KDM4C: variants seen among roughly 807,000 people sequenced by gnomAD.
KDM4C encodes lysine demethylase 4C.
Under a neutral mutation model 129.3 loss-of-function variants are expected in KDM4C, and 81 were observed. The observed-to-expected ratio is 0.63, with a 90% CI of 0.52 to 0.75. The LOEUF (loss-of-function observed/expected upper bound fraction) is 0.75. Among genes scored for constraint, KDM4C ranks in the 30% least tolerant of loss-of-function variants. KDM4C has a pLI of 0.00. For synonymous variants in KDM4C, 573 were observed against 456.1 expected (o/e 1.26, Z -3.26); for missense variants, 1,457 against 1,304.0 (o/e 1.12, Z -1.81).
At position 7,128,115 on chromosome 9, in the gene KDM4C, C is replaced by T. The variant is rs375941420; in HGVS notation, c.2660C>T (p.Thr887Met). Residue 887 changes from threonine to methionine, a missense_variant, in exon 19 of 22, where the codon ACG becomes ATG. Thr to Met is a moderately conservative substitution (Grantham distance 81). Coordinates refer to ENST00000381309, the MANE Select transcript of KDM4C (RefSeq NM_015061.6). ...ATTTCCGTGGGTCAAACGGTCATCA[C>T]GAAGCATCGGAACACCCGGTATTAC... Reference protein sequence around the residue: ...KVISVGQTVITKHRNTRYYSC... With the variant: ...KVISVGQTVIMKHRNTRYYSC... 1.9e-6 allele frequency: 3 copies of T among 1,610,372 alleles called. No individual in the cohort carries two copies. Among genetic ancestry groups the T allele is most frequent in the Non-Finnish European group, 2.5e-6 (3 of 1,178,574 alleles).
chr9:6,844,948 A>G (rs1483085175), intron 4 of KDM4C, among the ~76,000 whole-genome samples: 1 of 152,160 alleles, frequency 6.6e-6, no homozygotes, highest in South Asian at 2.1e-4. Flanking sequence ...TCGGCCTCCC[A>G]AAGTGCTGGG....
intron 4 of KDM4C, among the ~76,000 whole-genome samples, chr9:6,826,619 A>G (rs1410608179): frequency 6.6e-6 from 1 of 152,174 alleles, no homozygotes; most frequent in Non-Finnish European, 1.5e-5. Flanking sequence ...TGATCCCAGC[A>G]CTTTGGGAGG....
chr9:7,012,476 T>G (rs966526131), intron 13 of KDM4C, among the ~76,000 whole-genome samples: 4 of 151,196 alleles, frequency 2.6e-5, no homozygotes, highest in African/African-American at 9.7e-5. Context: ...TTAATCTCTG[T>G]TTTTTTTTGT....
intron 8 of KDM4C, among the ~76,000 whole-genome samples, chr9:6,954,024 C>T (rs968561895): frequency 7.9e-5 from 12 of 152,170 alleles, no homozygotes; most frequent in South Asian, 4.1e-4. Flanking sequence ...GCAAACCTTG[C>T]GCATAGGACT....
At chr9:6,858,640 A>G (rs1432164771) in intron 5 of KDM4C, among the ~76,000 whole-genome samples, 1 of 152,042 alleles carries the variant, frequency 6.6e-6, no homozygotes, top group Non-Finnish European at 1.5e-5. Context: ...GGGTGTGGTG[A>G]CGTGCGCCTG....
At chr9:6,797,155 A>G (rs1325592816) in intron 2 of KDM4C, among the ~76,000 whole-genome samples, 3 of 151,254 alleles carry the variant, frequency 2.0e-5, no homozygotes, top group African/African-American at 7.3e-5. Context: ...AATTTTTTTT[A>G]TTTTTTGTTT....
chr9:6,738,597 A>C lies in KDM4C; in HGVS notation c.49+17600A>C, dbSNP rs115322416. 9.5e-3 allele frequency among the ~76,000 whole-genome samples: 1,444 copies of C among 152,186 alleles called. 22 individuals carry two copies. The highest frequency in any genetic ancestry group is 0.033 in the African/African-American group (1,374 of 41,530). ...ACCACAGGTGGGCACCACCACGCCC[A>C]GCTAATTTATTCATTTACTTATTTC... is the stretch of plus-strand genomic sequence containing the variant. On this transcript the variant is annotated intron_variant, in intron 1 of 17. Coordinates refer to the KDM4C transcript ENST00000536108.
intron 15 of KDM4C, among the ~76,000 whole-genome samples, chr9:7,037,258 A>G (rs767867616): frequency 6.6e-6 from 1 of 152,118 alleles, no homozygotes; most frequent in Non-Finnish European, 1.5e-5. Context: ...TTATTTTTCT[A>G]TGACACTGAA....
chr9:6,922,698 G>C (rs1338828483), intron 8 of KDM4C, among the ~76,000 whole-genome samples: 1 of 152,264 alleles, frequency 6.6e-6, no homozygotes, highest in Non-Finnish European at 1.5e-5. Context: ...AGTGAACCAT[G>C]ATTGCACCAC....
intron 5 of KDM4C, among the ~76,000 whole-genome samples, chr9:6,851,734 G>A: frequency 6.6e-6 from 1 of 152,258 alleles, no homozygotes; most frequent in Admixed American, 6.5e-5. Flanking sequence ...TGGCTGTCTT[G>A]TCTTCTCCTG....
At chr9:7,007,126 C>T (rs1013823534) in intron 12 of KDM4C, among the ~76,000 whole-genome samples, 2 of 152,186 alleles carry the variant, frequency 1.3e-5, no homozygotes, top group East Asian at 3.8e-4. Context: ...CATAGGATGG[C>T]CCTTTTAGCC....
chr9:7,064,247 A>T (rs1032074436), intron 17 of KDM4C, among the ~76,000 whole-genome samples: 2 of 152,232 alleles, frequency 1.3e-5, no homozygotes, highest in South Asian at 2.1e-4. Flanking sequence ...ATGAAAAAGG[A>T]TGTAAAATAT....
intron 17 of KDM4C, among the ~76,000 whole-genome samples, chr9:7,089,511 GA>G (rs1404932216): frequency 3.3e-5 from 5 of 152,198 alleles, no homozygotes; most frequent in African/African-American, 9.7e-5. Context: ...ACATTTTAAT[GA>G]GTCTTTGGGG....
chr9:7,063,687 G>T (rs768037214), intron 17 of KDM4C, among the ~76,000 whole-genome samples: 2 of 152,182 alleles, frequency 1.3e-5, no homozygotes, highest in Non-Finnish European at 2.9e-5. Flanking sequence ...AAAATGTAGT[G>T]AAGGACCTTA....
At chr9:6,940,868 T>C (rs1825812887) in intron 8 of KDM4C, among the ~76,000 whole-genome samples, 2 of 150,842 alleles carry the variant, frequency 1.3e-5, no homozygotes, top group Admixed American at 6.6e-5. Context: ...ATATACAGCA[T>C]CTATAAGAAA....
intron 2 of KDM4C, among the ~76,000 whole-genome samples, chr9:6,804,784 G>T (rs1172309539): frequency 6.6e-6 from 1 of 151,470 alleles, no homozygotes; most frequent in Non-Finnish European, 1.5e-5. Context: ...ATATAATGTT[G>T]ACTATGTATT....
At chr9:6,795,245 C>G (rs770508200) in intron 2 of KDM4C, among the ~76,000 whole-genome samples, 2 of 152,204 alleles carry the variant, frequency 1.3e-5, no homozygotes. Flanking sequence ...TGCAAATGGA[C>G]CTGATGCTAC....
Position 7,137,100 on chromosome 9 carries a change from G to A in KDM4C, c.2781+8864G>A, listed in dbSNP as rs116746578. Among the ~76,000 whole-genome samples the A allele has an allele frequency of 7.2e-3, 1,099 of 152,316 alleles. 10 individuals are homozygous for A. The highest frequency in any genetic ancestry group is 0.025 in the African/African-American group (1,051 of 41,570). Reference sequence around the variant, plus strand: ...CTTTGAAACCACTGGTTCAGGTGAAGTCGATCATTACCTGCTATTTCACTG... The same window carrying A: ...CTTTGAAACCACTGGTTCAGGTGAAATCGATCATTACCTGCTATTTCACTG... On this transcript the variant is annotated intron_variant, in intron 19 of 21. Transcript: ENST00000381309.
At position 7,169,891 on chromosome 9, in the gene KDM4C, G is replaced by C. The variant is rs1844784444; in HGVS notation, c.2994+1G>C. The C allele has an allele frequency of 6.2e-7, 1 of 1,613,884 alleles. No individual in the cohort carries two copies. Among genetic ancestry groups the C allele is most frequent in the Admixed American group, 1.7e-5 (1 of 60,006 alleles). ...ACCCAAGAGAGTGAAAGCTCGATTT[G>C]TAAGTGCTGGCAGATGCCACTTGGG... On this transcript the variant is annotated splice_donor_variant, in intron 21 of 21. Transcript: ENST00000381309. LOFTEE classifies it high-confidence loss of function.
Sources: gnomAD v4.1 joint callset for allele counts (sites outside exome capture counted in the v4.1 genomes callset) on GRCh38, gnomAD v4.1.1 for gene constraint, MANE v1.5 for transcripts, NCBI Gene and HGNC (gene_info 2026-07-23, HGNC 2026-07-21) for gene names.